RMI2: variants seen among roughly 807,000 people sequenced by gnomAD.
The protein encoded by RMI2 is recQ-mediated genome instability protein 2.
RMI2 carries 11 observed loss-of-function variants against 8.4 expected under a neutral mutation model. The observed-to-expected ratio is 1.32, with a 90% CI of 0.83 to 2.18. The LOEUF is 2.18. Ranked by LOEUF, RMI2 falls within the 30% of genes most tolerant of loss-of-function variation. RMI2 has a pLI of 0.00. For missense variants in RMI2, 253 were observed against 207.5 expected, an observed-to-expected ratio of 1.22 and a Z score of -1.35; for synonymous variants, 105 against 93.8, an observed-to-expected ratio of 1.12 and a Z score of -0.69.
chr16:11,347,613 G>A (rs1315338570), intron 1 of RMI2, among the ~76,000 whole-genome samples: 2 of 152,092 alleles, frequency 1.3e-5, no homozygotes, highest in African/African-American at 2.4e-5. Flanking sequence ...ATCAGGACTC[G>A]TTTACTGCCA....
At chr16:11,346,556 C>T (rs1291828586) in intron 1 of RMI2, among the ~76,000 whole-genome samples, 1 of 152,130 alleles carries the variant, frequency 6.6e-6, no homozygotes, top group Non-Finnish European at 1.5e-5. Context: ...CCGCTGCGCC[C>T]TGCCTGCTTC....
chr16:11,350,448 G>C (rs748220299), intron 1 of RMI2, among the ~76,000 whole-genome samples, 194 bp from the exon 2 acceptor site: 4 of 152,130 alleles, frequency 2.6e-5, no homozygotes, highest in Non-Finnish European at 5.9e-5. Context: ...AAATTAGCCA[G>C]GCATAGTGGC....
Position 11,350,725 on chromosome 16 carries a change from G to C in RMI2, c.379G>C (p.Asp127His). ...GGCTGTGAAGATGACAGACCTTTCT[G>C]ATAATCCCATCCATGAAAGTATGTG... ...LQAVKMTDLS[D>H]NPIHESMWEL... is the part of the protein sequence containing the mutation. The change falls in exon 2 of 2, where the codon GAT becomes CAT. Residue 127 changes from aspartate to histidine, a missense_variant. Physicochemically the swap from Asp to His is moderately conservative, Grantham distance 81. Transcript: ENST00000312499. 6.2e-7 allele frequency: 1 copy of C among 1,613,504 alleles called. No individual in the cohort carries two copies. The highest frequency in any genetic ancestry group is 1.1e-5 in the South Asian group (1 of 91,020).
chr16:11,351,389 G>GCT lies in RMI2; in HGVS notation c.*602_*603dup. On this transcript the variant is annotated 3_prime_UTR_variant, in exon 2 of 2. Transcript: ENST00000312499. ...GACACCACTCAAACATTTAGACGCA[G>GCT]CTCTATCCCTTTTCCTAGCTAGAGA... The GCT allele has an allele frequency of 4.3e-6, 1 of 232,498 alleles. No individual in the cohort carries two copies. The highest frequency in any genetic ancestry group is 1.3e-3 in the Middle Eastern group (1 of 772). The allele number at this position is 232,498 out of a possible 1,614,324, so 14.4% of individuals were successfully genotyped here. A position where few individuals can be genotyped will look rare whatever the true frequency, so the allele number is the denominator to read the frequency against.
At chr16:11,347,635 TC>T (rs1334765610) in intron 1 of RMI2, among the ~76,000 whole-genome samples, 2 of 152,180 alleles carry the variant, frequency 1.3e-5, no homozygotes, top group African/African-American at 4.8e-5. Context: ...ATGCTCCTGT[TC>T]CGTCTTCCCA....
chr16:11,345,639 G>A lies in RMI2; in HGVS notation c.168G>A (p.Ala56=), dbSNP rs11545336. 300,574 of 1,258,576 alleles carry A rather than the reference G, an allele frequency of 0.24. 37,505 individuals carry two copies. Among genetic ancestry groups the A allele is most frequent in the Non-Finnish European group, 0.26 (257,110 of 1,003,330 alleles). 78.0% of individuals were successfully genotyped at this position (1,258,576 alleles called of 1,614,324 possible). ...CGGGCCGCGGGCCGCTGGACCTGGC[G>A]GCCGTGTGGATGCAGGGCAGGGTAG... ...AAAGRGPLDL[A]AVWMQGRVVM... Residue 56 remains alanine, a synonymous_variant, in exon 1 of 2, where the codon GCG becomes GCA. Transcript: ENST00000312499.
intron 1 of RMI2, among the ~76,000 whole-genome samples, chr16:11,346,678 C>T (rs1263184403): frequency 6.6e-6 from 1 of 152,180 alleles, no homozygotes; most frequent in East Asian, 1.9e-4. Context: ...GTCAGGAGGT[C>T]CAGGTGGGGC....
chr16:11,345,755 G>T lies in RMI2; in HGVS notation c.284G>T (p.Cys95Phe). ...GLERVPRGRPCLVPGKYVMVM... is the reference protein window; with the variant it reads ...GLERVPRGRPFLVPGKYVMVM... ...GAGCGGGTGCCGCGCGGGCGGCCCT[G>T]TCTAGTCCCAGGTAATGCCCGGGCC... is the stretch of plus-strand genomic sequence containing the variant. The change falls in exon 1 of 2, where the codon TGT becomes TTT. Residue 95 changes from cysteine to phenylalanine, a missense_variant. Cys to Phe is a radical substitution (Grantham distance 205). Coordinates refer to ENST00000312499, the MANE Select transcript of RMI2 (RefSeq NM_152308.3). 8.1e-7 allele frequency: 1 copy of T among 1,239,412 alleles called. No individual in the cohort carries two copies. Among genetic ancestry groups the T allele is most frequent in the African/African-American group, 1.5e-5 (1 of 65,018 alleles). 76.8% of individuals were successfully genotyped at this position (1,239,412 alleles called of 1,614,324 possible). A position where few individuals can be genotyped will look rare whatever the true frequency, so the allele number is the denominator to read the frequency against.
At position 11,349,998 on chromosome 16, in the gene RMI2, C is replaced by A. The variant is rs1447679350; in HGVS notation, c.296-644C>A. Among the ~76,000 whole-genome samples, 1 of 152,158 alleles carries A rather than the reference C, an allele frequency of 6.6e-6. No individual in the cohort carries two copies. The highest frequency in any genetic ancestry group is 1.5e-5 in the Non-Finnish European group (1 of 68,018). On this transcript the variant is annotated intron_variant, in intron 1 of 1. Transcript: ENST00000312499. This position sits in a 1 kb window ranked among gnomAD's most constrained non-coding sequence, Gnocchi z 4.2. ...AGGAGGTGGCAGGGATAGGTCCCAG[C>A]AGTTGGAACAATGGGGCGGGGGGCT...
Position 11,345,752 on chromosome 16 carries a change from C to A in RMI2, c.281C>A (p.Pro94His). 8.1e-7 allele frequency: 1 copy of A among 1,239,164 alleles called. No homozygotes were observed. The highest frequency in any genetic ancestry group is 1.0e-6 in the Non-Finnish European group (1 of 991,780). The allele number at this position is 1,239,164 out of a possible 1,614,324, so 76.8% of individuals were successfully genotyped here. ...RGLERVPRGRPCLVPGKYVMV... is the reference protein window; with the variant it reads ...RGLERVPRGRHCLVPGKYVMV... The stretch of plus-strand genomic sequence containing the variant: ...CTGGAGCGGGTGCCGCGCGGGCGGC[C>A]CTGTCTAGTCCCAGGTAATGCCCGG... Residue 94 changes from proline to histidine, a missense_variant, in exon 1 of 2, where the codon CCC becomes CAC. By Grantham distance (77) the Pro-to-His change is moderately conservative (BLOSUM62 -2). Coordinates refer to ENST00000312499, the MANE Select transcript of RMI2 (RefSeq NM_152308.3).
chr16:11,345,608 C>CGGCGGCG lies in RMI2; in HGVS notation c.141_147dup (p.Arg50GlyfsTer67). On this transcript the variant is annotated frameshift_variant, in exon 1 of 2. Coordinates refer to ENST00000312499, the MANE Select transcript of RMI2 (RefSeq NM_152308.3). LOFTEE classifies it high-confidence loss of function. ...CCGGGCGCGTGGCGGCTGTCACGGG[C>CGGCGGCG]GGCGGCGGGCCGCGGGCCGCTGGAC... The CGGCGGCG allele has an allele frequency of 8.2e-7, 1 of 1,224,306 alleles. No individual in the cohort carries two copies. Among genetic ancestry groups the CGGCGGCG allele is most frequent in the Non-Finnish European group, 1.0e-6 (1 of 983,654 alleles). 75.8% of individuals were successfully genotyped at this position (1,224,306 alleles called of 1,614,324 possible). A position where few individuals can be genotyped will look rare whatever the true frequency, so the allele number is the denominator to read the frequency against.
intron 1 of RMI2, among the ~76,000 whole-genome samples, chr16:11,347,436 T>A (rs2141212594): frequency 6.6e-6 from 1 of 152,334 alleles, no homozygotes; most frequent in East Asian, 1.9e-4. Flanking sequence ...TAGGTCGAAT[T>A]TCTGGTTCCA....
At chr16:11,345,883 T>C (rs898582372) in intron 1 of RMI2, 117 bp downstream of exon 1, 13 of 805,422 alleles carry the variant, frequency 1.6e-5, no homozygotes, top group East Asian at 1.0e-4. Flanking sequence ...CTGGCCCTCC[T>C]CCGGGCCTCT....
chr16:11,347,390 T>C (rs1480377575), intron 1 of RMI2, among the ~76,000 whole-genome samples: 1 of 152,198 alleles, frequency 6.6e-6, no homozygotes, highest in Admixed American at 6.5e-5. Flanking sequence ...GATAGGGCTG[T>C]GGTCTGGCCT....
At position 11,350,735 on chromosome 16, in the gene RMI2, T is replaced by C; in HGVS notation, c.389T>C (p.Ile130Thr). Residue 130 changes from isoleucine to threonine, a missense_variant, in exon 2 of 2, where the codon ATC (isoleucine) becomes ACC (threonine). Coordinates refer to ENST00000312499, the MANE Select transcript of RMI2 (RefSeq NM_152308.3). ...VKMTDLSDNP[I>T]HESMWELEVE... ...ATGACAGACCTTTCTGATAATCCCA[T>C]CCATGAAAGTATGTGGGAACTGGAG... The C allele has an allele frequency of 1.2e-6, 2 of 1,613,396 alleles. No homozygotes were observed. Among genetic ancestry groups the C allele is most frequent in the Non-Finnish European group, 1.7e-6 (2 of 1,179,428 alleles).
At position 11,349,298 on chromosome 16, in the gene RMI2, G is replaced by A. The variant is rs1349683600; in HGVS notation, c.296-1344G>A. 6.6e-6 allele frequency: 1 copy of A among 152,608 alleles called. No individual in the cohort carries two copies. Among genetic ancestry groups the A allele is most frequent in the Non-Finnish European group, 1.5e-5 (1 of 68,184 alleles). 9.5% of individuals were successfully genotyped at this position (152,608 alleles called of 1,614,324 possible). On this transcript the variant is annotated intron_variant, in intron 1 of 1. Transcript: ENST00000312499. The surrounding 1 kb of genome is among the most constrained non-coding windows in gnomAD (Gnocchi z 4.2). ...GGAGATGGGCTGGAGCCATTGGAAT[G>A]GTCATGGCAACCGCGGGGTGGGGAT...
Position 11,349,541 on chromosome 16 carries a change from TC to T in RMI2, c.296-1099del, listed in dbSNP as rs1309680208. Among the ~76,000 whole-genome samples, 19 of 152,238 alleles carry T rather than the reference TC, an allele frequency of 1.2e-4. No homozygotes were observed. Among genetic ancestry groups the T allele is most frequent in the African/African-American group, 4.3e-4 (18 of 41,468 alleles). On this transcript the variant is annotated intron_variant, in intron 1 of 1. Coordinates refer to ENST00000312499, the MANE Select transcript of RMI2 (RefSeq NM_152308.3). The surrounding 1 kb of genome is among the most constrained non-coding windows in gnomAD (Gnocchi z 4.2). The stretch of plus-strand genomic sequence containing the variant: ...CTTCAGTCATTCTACTTCTGTGTGT[TC>T]CAACCCTACCAGCACTTTAGGCCCC...
chr16:11,347,358 T>G (rs1283760337), intron 1 of RMI2, among the ~76,000 whole-genome samples: 1 of 152,138 alleles, frequency 6.6e-6, no homozygotes, highest in Non-Finnish European at 1.5e-5. Flanking sequence ...TCCTGCTCAG[T>G]CTTGGAGTCT....
chr16:11,345,482 C>A lies in RMI2; in HGVS notation c.11C>A (p.Ala4Asp). Residue 4 changes from alanine (A) to aspartate (D), a missense_variant, in exon 1 of 2, where the codon GCT becomes GAT. Ala to Asp is a moderately radical substitution (Grantham distance 126). Coordinates refer to ENST00000312499, the MANE Select transcript of RMI2 (RefSeq NM_152308.3). ...GTGCGGCGAGGCGGAATGGCGGCGG[C>A]TGCGGACTCGTTCTCAGGCGGCCCC... MAA[A>D]ADSFSGGPAG... 7.6e-7 allele frequency: 1 copy of A among 1,314,628 alleles called. No homozygotes were observed. The allele number at this position is 1,314,628 out of a possible 1,614,324, so 81.4% of individuals were successfully genotyped here. A position where few individuals can be genotyped will look rare whatever the true frequency, so the allele number is the denominator to read the frequency against.
Sources: gnomAD v4.1 joint callset for allele counts (sites outside exome capture counted in the v4.1 genomes callset) on GRCh38, gnomAD v4.1.1 for gene constraint, Gnocchi (gnomAD v3.1) non-coding constraint, MANE v1.5 for transcripts, NCBI Gene and HGNC (gene_info 2026-07-23, HGNC 2026-07-21) for gene names.